TRERF1: variants seen among roughly 807,000 people sequenced by gnomAD.
TRERF1 encodes transcriptional regulating factor 1.
Under a neutral mutation model 122.9 loss-of-function variants are expected in TRERF1, and 27 were observed. That is an observed-to-expected ratio of 0.22 (90% CI 0.16 to 0.30). The LOEUF (loss-of-function observed/expected upper bound fraction) is 0.30, where lower values mean the gene tolerates loss of function less well. TRERF1 is among the 10% of genes least tolerant of loss of function. The probability of loss-of-function intolerance (pLI) is 1.00; values close to 1 mark genes in which losing one functional copy is unlikely to be tolerated. For missense variants in TRERF1, 1,248 were observed against 1,560.3 expected (o/e 0.80, Z 3.37); for synonymous variants, 636 against 641.7 (o/e 0.99, Z 0.13).
chr6:42,266,726 G>C (rs116075412), intron 5 of TRERF1, among the ~76,000 whole-genome samples: 191 of 152,320 alleles, frequency 1.3e-3, no homozygotes, highest in Non-Finnish European at 2.2e-3. Context: ...GGCATGAAAA[G>C]TGCCCAGCAC....
intron 4 of TRERF1, among the ~76,000 whole-genome samples, chr6:42,284,873 T>C (rs1159650362): frequency 6.6e-6 from 1 of 152,202 alleles, no homozygotes; most frequent in Non-Finnish European, 1.5e-5. Flanking sequence ...GTCAGGCACA[T>C]GCTCCTCAGG....
chr6:42,410,685 A>G (rs1449981432), intron 2 of TRERF1, among the ~76,000 whole-genome samples: 2 of 152,076 alleles, frequency 1.3e-5, no homozygotes, highest in African/African-American at 4.8e-5. Flanking sequence ...TAATGCAATC[A>G]ATCAATGGCC....
rs552439827 is a variant in TRERF1 at position 42,432,951 on chromosome 6, G to A, written c.-454+18226C>T. ...ATACGAAATTAGACTTCGCTTTCAG[G>A]TATTATGGGGCAGTGAATATTAAAC... On this transcript the variant is annotated intron_variant, in intron 2 of 17. Transcript: ENST00000372922. 6.6e-5 allele frequency among the ~76,000 whole-genome samples: 10 copies of A among 152,162 alleles called. No individual in the cohort carries two copies. The South Asian group carries it at 2.1e-3, about 32-fold the overall frequency.
At chr6:42,253,002 A>AG (rs1230599705) in intron 13 of TRERF1, among the ~76,000 whole-genome samples, 1 of 152,166 alleles carries the variant, frequency 6.6e-6, no homozygotes, top group African/African-American at 2.4e-5. Context: ...CTGCTGGGGA[A>AG]GGGGACAGGG....
chr6:42,269,680 G>A lies in TRERF1; in HGVS notation c.-90C>T. The A allele has an allele frequency of 6.0e-6, 9 of 1,492,478 alleles. No homozygotes were observed. The highest frequency in any genetic ancestry group is 8.0e-6 in the Non-Finnish European group (9 of 1,124,124). The allele number at this position is 1,492,478 out of a possible 1,614,324, so 92.5% of individuals were successfully genotyped here. On this transcript the variant is annotated 5_prime_UTR_variant, in exon 5 of 18. Transcript: ENST00000372922. The surrounding 1 kb of genome is among the most constrained non-coding windows in gnomAD (Gnocchi z 4.9). ...AAAAGGACTGAAACCCTGAGAAGCT[G>A]AGAGAAAAGTGTCAGCACTACTCCA... is the stretch of plus-strand genomic sequence containing the variant.
rs1276149555 is a variant in TRERF1, at chr6:42,259,191, G to C, written c.2269+148C>G. ...TGAGGATAAGGGCTATGTATTCCAA[G>C]TCTTTCTTAACACCCAGCAGCGCGT... On this transcript the variant is annotated intron_variant, in intron 9 of 17. Coordinates refer to ENST00000372922, the Ensembl canonical transcript of TRERF1. This position sits in a 1 kb window ranked among gnomAD's most constrained non-coding sequence, Gnocchi z 4.9. The C allele has an allele frequency of 9.1e-7, 1 of 1,094,912 alleles. No homozygotes were observed. The allele number at this position is 1,094,912 out of a possible 1,614,324, so 67.8% of individuals were successfully genotyped here. A position where few individuals can be genotyped will look rare whatever the true frequency, so the allele number is the denominator to read the frequency against.
intron 2 of TRERF1, among the ~76,000 whole-genome samples, chr6:42,404,862 G>A (rs1413926633): frequency 6.6e-6 from 1 of 152,174 alleles, no homozygotes; most frequent in Non-Finnish European, 1.5e-5. Context: ...GTTCTCATTT[G>A]CAGGACTAAG....
intron 2 of TRERF1, among the ~76,000 whole-genome samples, chr6:42,390,298 CTG>C (rs2151236550): frequency 6.6e-6 from 1 of 152,258 alleles, no homozygotes; most frequent in African/African-American, 2.4e-5. Flanking sequence ...TTGCCAAGTT[CTG>C]TGTGTGTGGA....
intron 2 of TRERF1, among the ~76,000 whole-genome samples, chr6:42,420,789 C>T (rs1782647072): frequency 6.6e-6 from 1 of 152,172 alleles, no homozygotes; most frequent in African/African-American, 2.4e-5. Flanking sequence ...GTCTTGGATG[C>T]TGTCATGTAA....
intron 8 of TRERF1, among the ~76,000 whole-genome samples, chr6:42,261,722 C>A (rs1231236315): frequency 6.6e-6 from 1 of 152,120 alleles, no homozygotes; most frequent in East Asian, 1.9e-4. Flanking sequence ...GGGCCTTGTT[C>A]CCATGTATTC....
At position 42,256,936 on chromosome 6, in the gene TRERF1, C is replaced by T. The variant is rs763733702; in HGVS notation, c.2476+27G>A. ...CTCAGTGAGAGAATCAAACCTCTCC[C>T]ACCCAGCTCTTCCCATATGCCAATA... is the stretch of plus-strand genomic sequence containing the variant. On this transcript the variant is annotated intron_variant, in intron 11 of 17. Coordinates refer to ENST00000372922, the Ensembl canonical transcript of TRERF1. 6.8e-6 allele frequency: 11 copies of T among 1,613,834 alleles called. No homozygotes were observed. The East Asian group carries it at 2.0e-4, about 29-fold the overall frequency.
At position 42,269,209 on chromosome 6, in the gene TRERF1, T is replaced by G. The variant is rs1779800663; in HGVS notation, c.382A>C (p.Ser128Arg). 4 of 1,614,232 alleles carry G rather than the reference T, an allele frequency of 2.5e-6. No homozygotes were observed. Among genetic ancestry groups the G allele is most frequent in the Non-Finnish European group, 3.4e-6 (4 of 1,180,020 alleles). The stretch of plus-strand genomic sequence containing the variant: ...GTAAGCTTCTGGGTCCGGATCTCGC[T>G]GGCCTGGGAGTAGGTGTATTGGTAG... The change falls in exon 5 of 18, where the codon AGC becomes CGC. Residue 128 changes from serine to arginine, a missense_variant. Transcript: ENST00000372922. This position sits in a 1 kb window ranked among gnomAD's most constrained non-coding sequence, Gnocchi z 4.9.
intron 4 of TRERF1, among the ~76,000 whole-genome samples, chr6:42,299,116 C>CTCTATCTATCTATCTATCTATCTATCTA (rs1554152190): frequency 2.8e-5 from 4 of 141,680 alleles, no homozygotes; most frequent in African/African-American, 1.1e-4. Flanking sequence ...GTCTGTCTGT[C>CTCTATCTATCTATCTATCTATCTATCTA]TCTATCTATC....
intron 3 of TRERF1, among the ~76,000 whole-genome samples, chr6:42,314,520 G>A (rs151075851): frequency 1.1e-4 from 16 of 152,298 alleles, no homozygotes; most frequent in South Asian, 6.2e-4. Context: ...TGACTGGCAC[G>A]CAACAGTGAA....
intron 4 of TRERF1, among the ~76,000 whole-genome samples, chr6:42,295,641 T>C (rs1480834298): frequency 6.6e-6 from 1 of 152,244 alleles, no homozygotes; most frequent in African/African-American, 2.4e-5. Context: ...TTGAAGGGCA[T>C]CGTGTTTTTC....
chr6:42,430,611 G>A (rs370522202), intron 2 of TRERF1, among the ~76,000 whole-genome samples: 10 of 150,758 alleles, frequency 6.6e-5, no homozygotes, highest in South Asian at 4.2e-4. Flanking sequence ...TTAGCCAGTC[G>A]TTGGCTGGGC....
intron 3 of TRERF1, among the ~76,000 whole-genome samples, chr6:42,334,733 C>T (rs975399920): frequency 3.3e-5 from 5 of 152,210 alleles, no homozygotes; most frequent in Admixed American, 1.3e-4. Flanking sequence ...CAAGGGAGGT[C>T]ACAGCCACAG....
intron 14 of TRERF1, among the ~76,000 whole-genome samples, chr6:42,243,989 C>T (rs1774280455): frequency 6.6e-6 from 1 of 151,446 alleles, no homozygotes; most frequent in Non-Finnish European, 1.5e-5. Flanking sequence ...AGCAATTCTC[C>T]TGCCTTAGCC....
intron 2 of TRERF1, among the ~76,000 whole-genome samples, chr6:42,436,800 CAAAAA>C (rs775861205): frequency 1.9e-3 from 147 of 77,494 alleles, no homozygotes; most frequent in African/African-American, 2.8e-3. Context: ...TCTCCCTCTA[CAAAAA>C]AAAAAAAAAA....
Sources: gnomAD v4.1 joint callset for allele counts (sites outside exome capture counted in the v4.1 genomes callset) on GRCh38, gnomAD v4.1.1 for gene constraint, Gnocchi (gnomAD v3.1) non-coding constraint, MANE v1.5 for transcripts, NCBI Gene and HGNC (gene_info 2026-07-23, HGNC 2026-07-21) for gene names.